Variants in CPSF2 observed in about 807,000 individuals in gnomAD.
The protein encoded by CPSF2 is cleavage and polyadenylation specific factor 2.
In CPSF2, 51 loss-of-function variants were observed where a neutral mutation model predicts 84.2. The ratio of observed to expected loss-of-function variants is 0.61; its 90% CI spans 0.48 to 0.77. The LOEUF is 0.77. CPSF2 is among the 30% of genes least tolerant of loss of function. The pLI is 0.00. For synonymous variants in CPSF2, 286 were observed against 311.9 expected (o/e 0.92, Z 0.87); for missense variants, 641 against 929.4 (o/e 0.69, Z 4.03).
At chr14:92,150,412 G>A (rs144442932) in intron 9 of CPSF2, among the ~76,000 whole-genome samples, 1 of 151,446 alleles carries the variant, frequency 6.6e-6, no homozygotes, top group Non-Finnish European at 1.5e-5. Flanking sequence ...GCGAGTCACC[G>A]CACCAGGCCC....
Position 92,167,328 on chromosome 14 carries a change from A to G in CPSF2, c.*5584A>G, listed in dbSNP as rs2069462236. 1 of 152,112 alleles carries G rather than the reference A, an allele frequency of 6.6e-6. No homozygotes were observed. Among genetic ancestry groups the G allele is most frequent in the Non-Finnish European group, 1.5e-5 (1 of 68,024 alleles). 9.4% of individuals were successfully genotyped at this position (152,112 alleles called of 1,614,324 possible). A position where few individuals can be genotyped will look rare whatever the true frequency, so the allele number is the denominator to read the frequency against. On this transcript the variant is annotated 3_prime_UTR_variant, in exon 16 of 16. Coordinates refer to ENST00000298875, the MANE Select transcript of CPSF2 (RefSeq NM_017437.3). The stretch of plus-strand genomic sequence containing the variant: ...TACTCAGCCTAAGATTCAGCTTACC[A>G]ATTTCTGCAAAAAAGCCCACTCATT...
In CPSF2 at chr14:92,163,349, A is replaced by G. The variant is rs1843616312; in HGVS notation, c.*1605A>G. 7.0e-6 allele frequency: 1 copy of G among 142,258 alleles called. No homozygotes were observed. The highest frequency in any genetic ancestry group is 1.5e-5 in the Non-Finnish European group (1 of 66,690). 8.8% of individuals were successfully genotyped at this position (142,258 alleles called of 1,614,324 possible). A position where few individuals can be genotyped will look rare whatever the true frequency, so the allele number is the denominator to read the frequency against. On this transcript the variant is annotated 3_prime_UTR_variant, in exon 16 of 16. Transcript: ENST00000298875. ...TATAGTGTTAATGCAAAGTTTACAG[A>G]CTTTTGATATGGAAAACCAGATAAA...
At position 92,171,234 on chromosome 14, in the gene CPSF2, T is replaced by C. The variant is rs28866188; in HGVS notation, c.*9490T>C. 0.51 allele frequency: 78,223 copies of C among 151,960 alleles called. 21,668 individuals carry two copies. The highest frequency in any genetic ancestry group is 0.98 in the East Asian group (5,083 of 5,172). The allele number at this position is 151,960 out of a possible 1,614,324, so 9.4% of individuals were successfully genotyped here. ...CTCAAACTCCTGGGCTCATGCCATT[T>C]TCCCCTCAGCTTTTGGAGTTAGCTG... is the stretch of plus-strand genomic sequence containing the variant. On this transcript the variant is annotated 3_prime_UTR_variant, in exon 16 of 16. Coordinates refer to ENST00000298875, the MANE Select transcript of CPSF2 (RefSeq NM_017437.3).
rs2141491373 is a variant in CPSF2 at position 92,166,544 on chromosome 14, T to A, written c.*4800T>A. 1 of 152,166 alleles carries A rather than the reference T, an allele frequency of 6.6e-6. No individual in the cohort carries two copies. The highest frequency in any genetic ancestry group is 6.5e-5 in the Admixed American group (1 of 15,274). 9.4% of individuals were successfully genotyped at this position (152,166 alleles called of 1,614,324 possible). On this transcript the variant is annotated 3_prime_UTR_variant, in exon 16 of 16. Coordinates refer to ENST00000298875, the MANE Select transcript of CPSF2 (RefSeq NM_017437.3). The stretch of plus-strand genomic sequence containing the variant: ...AAAATTTTTTTGTGAAGACAGTTTC[T>A]CACTCTGTTGCCCAAGCTGGTCATC...
At chr14:92,140,671 A>G (rs1328734746) in intron 7 of CPSF2, among the ~76,000 whole-genome samples, 2 of 150,720 alleles carry the variant, frequency 1.3e-5, no homozygotes, top group African/African-American at 4.9e-5. Context: ...TGACCTCATG[A>G]TCTGCCTGCC....
At chr14:92,123,434 G>C (rs1220725846) in intron 1 of CPSF2, among the ~76,000 whole-genome samples, 1 of 151,136 alleles carries the variant, frequency 6.6e-6, no homozygotes, top group Non-Finnish European at 1.5e-5. Flanking sequence ...GTCTCGCTCT[G>C]TCCACCCAGG....
In CPSF2 at chr14:92,134,001, G is replaced by T; in HGVS notation, c.150-10G>T. 1 of 1,613,438 alleles carries T rather than the reference G, an allele frequency of 6.2e-7. No homozygotes were observed. Among genetic ancestry groups the T allele is most frequent in the Non-Finnish European group, 8.5e-7 (1 of 1,179,642 alleles). On this transcript the variant is annotated splice_polypyrimidine_tract_variant and intron_variant, in intron 3 of 15. Coordinates refer to ENST00000298875, the MANE Select transcript of CPSF2 (RefSeq NM_017437.3). ...TTCAAGAAGTAGTCCTTTGGATTGT[G>T]TTCTTGTAGGCATGTTCACCAGATT... is the stretch of plus-strand genomic sequence containing the variant.
At chr14:92,139,274 G>A (rs185226992) in intron 7 of CPSF2, among the ~76,000 whole-genome samples, 1 of 151,786 alleles carries the variant, frequency 6.6e-6, no homozygotes, top group Non-Finnish European at 1.5e-5. Context: ...AAAATTAGCC[G>A]GGCGTGGTGG....
chr14:92,152,806 G>A (rs539004831), intron 9 of CPSF2, among the ~76,000 whole-genome samples: 2 of 152,210 alleles, frequency 1.3e-5, no homozygotes, highest in African/African-American at 2.4e-5. Flanking sequence ...TTCTGATAAG[G>A]TAGACATTGA....
At chr14:92,133,128 A>G (rs1036785427) in intron 3 of CPSF2, among the ~76,000 whole-genome samples, 3 of 151,094 alleles carry the variant, frequency 2.0e-5, no homozygotes, top group African/African-American at 4.9e-5. Flanking sequence ...GCTATTAAAA[A>G]TCAACTTATG....
intron 15 of CPSF2, 137 bp downstream of exon 15, chr14:92,161,383 G>A: frequency 1.0e-6 from 1 of 967,322 alleles, no homozygotes; most frequent in Non-Finnish European, 1.5e-6. Flanking sequence ...GACCTCAAAG[G>A]CTTACAGAAG....
intron 11 of CPSF2, among the ~76,000 whole-genome samples, chr14:92,156,028 G>A (rs1289860143): frequency 6.6e-6 from 1 of 152,112 alleles, no homozygotes; most frequent in African/African-American, 2.4e-5. Context: ...GGTGGCTCAC[G>A]CCTGTAATCC....
At position 92,164,875 on chromosome 14, in the gene CPSF2, C is replaced by T. The variant is rs2069423184; in HGVS notation, c.*3131C>T. 1 of 151,964 alleles carries T rather than the reference C, an allele frequency of 6.6e-6. No individual in the cohort carries two copies. Among genetic ancestry groups the T allele is most frequent in the South Asian group, 2.1e-4 (1 of 4,816 alleles). 9.4% of individuals were successfully genotyped at this position (151,964 alleles called of 1,614,324 possible). A position where few individuals can be genotyped will look rare whatever the true frequency, so the allele number is the denominator to read the frequency against. ...GTACAACTATTACCACTATATAATC[C>T]CAGAACACTTTCATCACTCCAAAAA... On this transcript the variant is annotated 3_prime_UTR_variant, in exon 16 of 16. Transcript: ENST00000298875.
intron 7 of CPSF2, among the ~76,000 whole-genome samples, chr14:92,140,577 C>T (rs886812375): frequency 6.6e-6 from 1 of 151,400 alleles, no homozygotes; most frequent in South Asian, 2.1e-4. Context: ...GGATTACAGG[C>T]GTGTGCAACC....
Position 92,157,605 on chromosome 14 carries a change from T to C in CPSF2, c.1596-54T>C. 8.6e-7 allele frequency: 1 copy of C among 1,160,536 alleles called. No homozygotes were observed. Among genetic ancestry groups the C allele is most frequent in the Non-Finnish European group, 1.2e-6 (1 of 809,180 alleles). The allele number at this position is 1,160,536 out of a possible 1,614,324, so 71.9% of individuals were successfully genotyped here. ...TATATTGTATACATGATAAAAGCCA[T>C]TTTTTTTTAGAATTATGAGAAAAGT... On this transcript the variant is annotated intron_variant, in intron 12 of 15. Transcript: ENST00000298875. The surrounding 1 kb of genome is among the most constrained non-coding windows in gnomAD (Gnocchi z 4.0).
intron 13 of CPSF2, among the ~76,000 whole-genome samples, chr14:92,158,711 A>G (rs2069325032): frequency 6.6e-6 from 1 of 152,156 alleles, no homozygotes; most frequent in South Asian, 2.1e-4. Context: ...TGTTAGAAAC[A>G]CTGGATATGA....
intron 8 of CPSF2, 136 bp downstream of exon 8, chr14:92,142,487 A>G: frequency 1.5e-6 from 1 of 646,306 alleles, no homozygotes. Context: ...GGCATTAACC[A>G]TTTACTGTCC....
chr14:92,134,260 A>G lies in CPSF2; in HGVS notation c.320A>G (p.Asn107Ser), dbSNP rs745957916. 7 of 1,613,560 alleles carry G rather than the reference A, an allele frequency of 4.3e-6. No homozygotes were observed. The highest frequency in any genetic ancestry group is 5.9e-6 in the Non-Finnish European group (7 of 1,179,490). Residue 107 changes from asparagine (N) to serine (S), a missense_variant, in exon 5 of 16, where the codon AAT (asparagine) becomes AGT (serine). Physicochemically the swap from Asn to Ser is conservative, Grantham distance 46 (BLOSUM62 1). Around this residue, in one of 2 missense-constraint regions of CPSF2, gnomAD observed 211 missense variants for 375.7 expected, o/e 0.56. Coordinates refer to ENST00000298875, the MANE Select transcript of CPSF2 (RefSeq NM_017437.3). ...GTGTTATTCTTTTAGTCTCGACACA[A>G]TACAGAAGATTTTACACTCTTTACA... ...FMYDLYQSRHNTEDFTLFTLD... is the reference protein window; with the variant it reads ...FMYDLYQSRHSTEDFTLFTLD...
intron 9 of CPSF2, chr14:92,154,121 GCCAA>G: frequency 3.2e-6 from 1 of 307,884 alleles, no homozygotes; most frequent in Non-Finnish European, 6.1e-6. Flanking sequence ...ACTGTGCCTG[GCCAA>G]CCAGTTTGAT....
Sources: gnomAD v4.1 joint callset for allele counts (sites outside exome capture counted in the v4.1 genomes callset) on GRCh38, gnomAD v4.1.1 for gene constraint, gnomAD v4.1.1 regional missense constraint, Gnocchi (gnomAD v3.1) non-coding constraint, MANE v1.5 for transcripts, NCBI Gene and HGNC (gene_info 2026-07-23, HGNC 2026-07-21) for gene names.